The following HDAC7 variants were observed in gnomAD, a reference collection of about 807,000 sequenced individuals.
The protein encoded by HDAC7 is histone deacetylase 7.
In HDAC7, 26 loss-of-function variants were observed where a neutral mutation model predicts 115.5. The observed-to-expected ratio is 0.23, with a 90% confidence interval of 0.16 to 0.31. The LOEUF is 0.31. HDAC7 is among the 10% of genes least tolerant of loss of function. The pLI, the probability that HDAC7 is intolerant of heterozygous loss-of-function variation, is 1.00. For synonymous variants in HDAC7, 564 were observed against 550.9 expected (o/e 1.02, Z -0.33); for missense variants, 1,068 against 1,329.0 (o/e 0.80, Z 3.05).
intron 15 of HDAC7, 114 bp downstream of exon 15, chr12:47,791,472 A>AG (rs1943506046): frequency 1.4e-6 from 2 of 1,394,260 alleles, no homozygotes; most frequent in Non-Finnish European, 1.9e-6. Context: ...AAGCTGGAGT[A>AG]GGGACGTCCA....
In HDAC7 at chr12:47,785,276, C is replaced by T. The variant is rs752833988; in HGVS notation, c.2791+111G>A. 11 of 863,342 alleles carry T rather than the reference C, an allele frequency of 1.3e-5. No homozygotes were observed. The African/African-American group carries it at 1.4e-4, about 11-fold the overall frequency. 53.5% of individuals were successfully genotyped at this position (863,342 alleles called of 1,614,324 possible). On this transcript the variant is annotated intron_variant, in intron 24 of 25. Coordinates refer to ENST00000080059, the MANE Select transcript of HDAC7 (RefSeq NM_015401.5). ...TCACAGGAATCTTACTCCAGACCAACAGCAGGTCACCTGGCTGGCACCGGA... is the reference window on the plus strand; with the variant it reads ...TCACAGGAATCTTACTCCAGACCAATAGCAGGTCACCTGGCTGGCACCGGA...
intron 2 of HDAC7, among the ~76,000 whole-genome samples, chr12:47,800,053 A>C (rs1050916684): frequency 6.6e-6 from 1 of 152,174 alleles, no homozygotes; most frequent in African/African-American, 2.4e-5. Flanking sequence ...GCCTGTGGCA[A>C]AGTACCAGTC....
chr12:47,793,459 G>A lies in HDAC7; in HGVS notation c.1588C>T (p.Pro530Ser), dbSNP rs373546769. Residue 530 changes from proline (P) to serine (S), a missense_variant, in exon 13 of 26, where the codon CCT becomes TCT. Transcript: ENST00000080059. This position sits in a 1 kb window ranked among gnomAD's most constrained non-coding sequence, Gnocchi z 4.5. ...GGCTCTGGGGCTGACAGTGAGGCAG[G>A]TGCGGCTGGGGAAGACTGAGCCCGG... ...LSRAQSSPAA[P>S]ASLSAPEPAS... 6 of 1,557,176 alleles carry A rather than the reference G, an allele frequency of 3.9e-6. 1 individual carries two copies. In the South Asian group the frequency reaches 4.7e-5, roughly 12 times the overall value.
At chr12:47,784,460 C>T in intron 24 of HDAC7, 1 of 603,084 alleles carries the variant, frequency 1.7e-6, no homozygotes. Flanking sequence ...GGTGCCCAGC[C>T]TTTCTCTCAT....
chr12:47,796,559 G>A (rs1210412498), intron 7 of HDAC7, among the ~76,000 whole-genome samples: 1 of 151,830 alleles, frequency 6.6e-6, no homozygotes, highest in Non-Finnish European at 1.5e-5. Flanking sequence ...AAGTAGCTGG[G>A]ACTACAGGCA....
Position 47,788,083 on chromosome 12 carries a change from C to A in HDAC7, c.2317G>T (p.Asp773Tyr). The A allele has an allele frequency of 1.9e-6, 3 of 1,613,472 alleles. No individual in the cohort carries two copies. The highest frequency in any genetic ancestry group is 2.5e-6 in the Non-Finnish European group (3 of 1,179,674). ...CCACTCCCCGGGAAGAAGTTGCCGT[C>A]GTCATGGCGATGCAGGGAGATGTAG... ...VLYISLHRHD[D>Y]GNFFPGSGAV... Residue 773 changes from aspartate (D) to tyrosine (Y), a missense_variant, in exon 20 of 26, where the codon GAC (aspartate) becomes TAC (tyrosine). Physicochemically the swap from Asp to Tyr is radical, Grantham distance 160 (BLOSUM62 -3). Transcript: ENST00000080059.
At position 47,784,142 on chromosome 12, in the gene HDAC7, T is replaced by C. The variant is rs1210599228; in HGVS notation, c.2867A>G (p.Lys956Arg). Residue 956 changes from lysine (K) to arginine (R), a missense_variant, in exon 25 of 26, where the codon AAA becomes AGA. Transcript: ENST00000080059. ...SWVPRVPGAD[K>R]EEVEAVTALA... ...TGCGGTCACTGCCTCCACTTCTTCT[T>C]TGTCAGCCCCTGGCACTCTAGGCAC... is the stretch of plus-strand genomic sequence containing the variant. The C allele has an allele frequency of 8.1e-6, 13 of 1,612,446 alleles. No homozygotes were observed. The highest frequency in any genetic ancestry group is 2.2e-5 in the East Asian group (1 of 44,884).
At chr12:47,816,768 G>A (rs181860535) in intron 1 of HDAC7, among the ~76,000 whole-genome samples, 49 of 152,312 alleles carry the variant, frequency 3.2e-4, no homozygotes, top group African/African-American at 1.1e-3. Flanking sequence ...GGAGACTGGA[G>A]GAGGGCAGTG....
At chr12:47,792,085 G>T (rs181844847) in intron 13 of HDAC7, 81 bp from the exon 14 acceptor site, 7 of 1,462,626 alleles carry the variant, frequency 4.8e-6, no homozygotes, top group Non-Finnish European at 6.4e-6. Context: ...CGCCAGCACC[G>T]CCACAGCAGG....
chr12:47,787,672 A>G (rs1256067573), intron 21 of HDAC7, 40 bp downstream of exon 21: 2 of 1,430,346 alleles, frequency 1.4e-6, no homozygotes, highest in African/African-American at 2.8e-5. Flanking sequence ...AAGGGACAGG[A>G]GAGGGTGGAC....
At chr12:47,789,728 G>T in intron 17 of HDAC7, 85 bp downstream of exon 17, 1 of 1,364,634 alleles carries the variant, frequency 7.3e-7, no homozygotes, top group Non-Finnish European at 1.0e-6. Flanking sequence ...GGAATGCGAT[G>T]CCTGGGGTTC....
chr12:47,796,771 C>A (rs1472883244), intron 7 of HDAC7, among the ~76,000 whole-genome samples: 1 of 152,204 alleles, frequency 6.6e-6, no homozygotes, highest in East Asian at 1.9e-4. Context: ...CCACCTTTGG[C>A]CTACAGCACC....
chr12:47,786,068 G>T, intron 22 of HDAC7, 183 bp from the exon 23 acceptor site: 1 of 641,422 alleles, frequency 1.6e-6, no homozygotes, highest in African/African-American at 1.9e-5. Context: ...TTCACTCAAG[G>T]CTCAGGGAGG....
chr12:47,789,734 G>C, intron 17 of HDAC7, 79 bp downstream of exon 17: 1 of 1,376,382 alleles, frequency 7.3e-7, no homozygotes, highest in Non-Finnish European at 1.0e-6. Flanking sequence ...CGATGCCTGG[G>C]GTTCTGGGCC....
In HDAC7 at chr12:47,797,111, C is replaced by A; in HGVS notation, c.609G>T (p.Lys203Asn). 6.2e-7 allele frequency: 1 copy of A among 1,606,760 alleles called. No individual in the cohort carries two copies. ...VSEPNLKLRY[K>N]PKKSLERRKN... is the part of the protein sequence containing the mutation. The stretch of plus-strand genomic sequence containing the variant: ...TCCTCCGCTCCAGGGACTTCTTGGG[C>A]TTATAGCGCAGCTTCAGGTTGGGCT... Residue 203 changes from lysine to asparagine, a missense_variant, in exon 7 of 26, where the codon AAG becomes AAT. This residue lies in a region of HDAC7 where 618 missense variants were observed against 701.5 expected (regional missense o/e 0.88). Transcript: ENST00000080059. The surrounding 1 kb of genome is among the most constrained non-coding windows in gnomAD (Gnocchi z 5.5).
intron 14 of HDAC7, 56 bp downstream of exon 14, chr12:47,791,815 C>A (rs1410597841): frequency 5.7e-6 from 9 of 1,567,880 alleles, no homozygotes; most frequent in Non-Finnish European, 7.8e-6. Flanking sequence ...CCCACCCCTC[C>A]CCTCCCATGA....
Position 47,798,319 on chromosome 12 carries a change from C to T in HDAC7, c.350-100G>A. ...TGTCCCCATCCTCAGTAGGAGGCGTCCCAGGGACTCCCTAGGCAAGAGCCA... is the reference window on the plus strand; with the variant it reads ...TGTCCCCATCCTCAGTAGGAGGCGTTCCAGGGACTCCCTAGGCAAGAGCCA... On this transcript the variant is annotated intron_variant, in intron 4 of 25. Coordinates refer to ENST00000080059, the MANE Select transcript of HDAC7 (RefSeq NM_015401.5). The surrounding 1 kb of genome is among the most constrained non-coding windows in gnomAD (Gnocchi z 4.3). 9.9e-7 allele frequency: 1 copy of T among 1,005,470 alleles called. No homozygotes were observed. The highest frequency in any genetic ancestry group is 1.3e-5 in the South Asian group (1 of 76,504). The allele number at this position is 1,005,470 out of a possible 1,614,324, so 62.3% of individuals were successfully genotyped here.
chr12:47,791,925 G>A lies in HDAC7; in HGVS notation c.1758C>T (p.Arg586=), dbSNP rs536332970. The A allele has an allele frequency of 6.8e-6, 11 of 1,611,120 alleles. No homozygotes were observed. In the South Asian group the frequency reaches 8.8e-5, roughly 13 times the overall value. The change falls in exon 14 of 26, where the codon CGC becomes CGT. Residue 586 remains arginine, a synonymous_variant. Transcript: ENST00000080059. ...GCAGCCGGGACCAGATGCTCTGGAT[G>A]CGGCCGGCGTGCTCCGGGTGCCTGC... ...DNSRHPEHAG[R]IQSIWSRLQE...
rs1412758040 is a variant in HDAC7, at chr12:47,795,065, G to C, written c.1284+119C>G. The stretch of plus-strand genomic sequence containing the variant: ...GCCATGCAGCTCTGGGCCCCAAGAA[G>C]CCACATCCCCCTCTTTTGCCCTCCA... On this transcript the variant is annotated intron_variant, in intron 11 of 25. Coordinates refer to ENST00000080059, the MANE Select transcript of HDAC7 (RefSeq NM_015401.5). The surrounding 1 kb of genome is among the most constrained non-coding windows in gnomAD (Gnocchi z 4.3). 3.0e-6 allele frequency: 4 copies of C among 1,316,676 alleles called. No homozygotes were observed. The highest frequency in any genetic ancestry group is 4.2e-6 in the Non-Finnish European group (4 of 943,374). 81.6% of individuals were successfully genotyped at this position (1,316,676 alleles called of 1,614,324 possible).
Sources: gnomAD v4.1 joint callset for allele counts (sites outside exome capture counted in the v4.1 genomes callset) on GRCh38, gnomAD v4.1.1 for gene constraint, gnomAD v4.1.1 regional missense constraint, Gnocchi (gnomAD v3.1) non-coding constraint, MANE v1.5 for transcripts, NCBI Gene and HGNC (gene_info 2026-07-23, HGNC 2026-07-21) for gene names.